PIAS1: variants seen among roughly 807,000 people sequenced by gnomAD.
PIAS1 encodes protein inhibitor of activated STAT 1.
Under a neutral mutation model 71.3 loss-of-function variants are expected in PIAS1, and 6 were observed. The observed-to-expected ratio is 0.08, with a 90% CI of 0.05 to 0.17. The LOEUF (loss-of-function observed/expected upper bound fraction) is 0.17. PIAS1 is among the 10% of genes least tolerant of loss of function. The pLI is 1.00. For synonymous variants in PIAS1, 303 were observed against 292.9 expected (o/e 1.03, Z -0.35); for missense variants, 555 against 793.6 (o/e 0.70, Z 3.61).
intron 2 of PIAS1, among the ~76,000 whole-genome samples, chr15:68,108,471 C>T (rs570025166): frequency 6.6e-6 from 1 of 152,020 alleles, no homozygotes; most frequent in South Asian, 2.1e-4. Flanking sequence ...CTCGTTCTTC[C>T]TCTTCTCTTC....
intron 8 of PIAS1, among the ~76,000 whole-genome samples, chr15:68,168,268 CA>C (rs1172369811): frequency 1.3e-5 from 2 of 152,144 alleles, no homozygotes; most frequent in African/African-American, 4.8e-5. Flanking sequence ...CTCAGCCTCC[CA>C]AAGTGATGGG....
intron 2 of PIAS1, among the ~76,000 whole-genome samples, chr15:68,129,728 G>A (rs1351652843): frequency 2.0e-5 from 3 of 150,632 alleles, no homozygotes; most frequent in African/African-American, 7.3e-5. Flanking sequence ...TGTATATGTT[G>A]AAATGAAAAC....
At chr15:68,058,076 C>CA (rs1032747092) in intron 1 of PIAS1, among the ~76,000 whole-genome samples, 1 of 152,088 alleles carries the variant, frequency 6.6e-6, no homozygotes, top group African/African-American at 2.4e-5. Flanking sequence ...AATTTGTACC[C>CA]TTTTTTGCTG....
At position 68,185,836 on chromosome 15, in the gene PIAS1, C is replaced by T. The variant is rs868015476; in HGVS notation, c.1663-1706C>T. On this transcript the variant is annotated intron_variant, in intron 13 of 13. Transcript: ENST00000249636. The surrounding 1 kb of genome is among the most constrained non-coding windows in gnomAD (Gnocchi z 4.4). ...AATTAGCTGGGCGTGGTGCTACACG[C>T]CTGTAATCCCAGCTACTCGGGAGGC... Among the ~76,000 whole-genome samples, 3 of 152,240 alleles carry T rather than the reference C, an allele frequency of 2.0e-5. 1 individual carries two copies. The South Asian group carries it at 6.2e-4, about 32-fold the overall frequency.
intron 10 of PIAS1, 40 bp downstream of exon 10, chr15:68,175,807 G>A: frequency 7.0e-7 from 1 of 1,424,570 alleles, no homozygotes; most frequent in Non-Finnish European, 9.4e-7. Flanking sequence ...TCTCCCTACT[G>A]CTCTAAGTCT....
intron 2 of PIAS1, among the ~76,000 whole-genome samples, chr15:68,125,191 A>G (rs1595745563): frequency 6.6e-6 from 1 of 151,206 alleles, no homozygotes; most frequent in Non-Finnish European, 1.5e-5. Flanking sequence ...TTTCTCATTC[A>G]TTGCCAAAAT....
intron 2 of PIAS1, among the ~76,000 whole-genome samples, chr15:68,131,363 TAATC>T (rs980137698): frequency 2.6e-5 from 4 of 152,198 alleles, no homozygotes; most frequent in African/African-American, 7.2e-5. Flanking sequence ...GCTGATATGT[TAATC>T]AATTTCCACA....
In PIAS1 at chr15:68,186,016, A is replaced by G. The variant is rs750590151; in HGVS notation, c.1663-1526A>G. On this transcript the variant is annotated intron_variant, in intron 13 of 13. Transcript: ENST00000249636. This position sits in a 1 kb window ranked among gnomAD's most constrained non-coding sequence, Gnocchi z 4.4. ...TGGGCCCTAACAATGAAAGGTTTTCATTAATAGAGAGGAATGTTTATGGTA... is the reference window on the plus strand; with the variant it reads ...TGGGCCCTAACAATGAAAGGTTTTCGTTAATAGAGAGGAATGTTTATGGTA... Among the ~76,000 whole-genome samples, 78 of 152,290 alleles carry G rather than the reference A, an allele frequency of 5.1e-4. 1 individual carries two copies. The Middle Eastern group carries it at 0.01, about 20-fold the overall frequency.
intron 7 of PIAS1, among the ~76,000 whole-genome samples, chr15:68,161,690 G>A (rs2092925679): frequency 6.6e-6 from 1 of 151,784 alleles, no homozygotes; most frequent in South Asian, 2.1e-4. Flanking sequence ...CAATACTTTG[G>A]GAGGCCAAAG....
chr15:68,151,633 A>G (rs1292590754), intron 6 of PIAS1, among the ~76,000 whole-genome samples: 1 of 151,448 alleles, frequency 6.6e-6, no homozygotes, highest in African/African-American at 2.4e-5. Flanking sequence ...CAGCCTAGCC[A>G]ACATGGTGAA....
At chr15:68,057,646 C>T (rs933542917) in intron 1 of PIAS1, 3 of 260,520 alleles carry the variant, frequency 1.2e-5, no homozygotes, top group Non-Finnish European at 2.3e-5. Flanking sequence ...AATTTTGATC[C>T]TTACGCTGTA....
At chr15:68,102,353 T>C (rs2092434441) in intron 2 of PIAS1, among the ~76,000 whole-genome samples, 1 of 152,246 alleles carries the variant, frequency 6.6e-6, no homozygotes, top group African/African-American at 2.4e-5. Flanking sequence ...TGGTCTTGAT[T>C]ACTATGTCAG....
chr15:68,184,592 G>A (rs2141106405), intron 13 of PIAS1: 1 of 152,382 alleles, frequency 6.6e-6, no homozygotes, highest in Admixed American at 6.5e-5. Context: ...TATTCATTAT[G>A]TAATATCAAA....
chr15:68,131,410 T>C (rs1273471715), intron 2 of PIAS1, among the ~76,000 whole-genome samples: 2 of 152,202 alleles, frequency 1.3e-5, no homozygotes, highest in African/African-American at 4.8e-5. Flanking sequence ...ATGAGAACAT[T>C]TGAAATTTAC....
chr15:68,097,431 A>AATTT (rs1015805764), intron 2 of PIAS1, among the ~76,000 whole-genome samples: 1 of 151,872 alleles, frequency 6.6e-6, no homozygotes, highest in African/African-American at 2.4e-5. Flanking sequence ...TTAATTAATT[A>AATTT]ATTTATTTAT....
intron 2 of PIAS1, among the ~76,000 whole-genome samples, chr15:68,090,827 TATG>T (rs1239338027): frequency 6.6e-6 from 1 of 152,182 alleles, no homozygotes; most frequent in Non-Finnish European, 1.5e-5. Flanking sequence ...ACAAAAATGT[TATG>T]TTTAATGTAG....
intron 2 of PIAS1, among the ~76,000 whole-genome samples, chr15:68,108,138 A>G (rs1264014168): frequency 6.6e-6 from 1 of 152,100 alleles, no homozygotes; most frequent in Non-Finnish European, 1.5e-5. Flanking sequence ...CCCCTGCCAC[A>G]TTGCTTGGAT....
intron 2 of PIAS1, among the ~76,000 whole-genome samples, chr15:68,109,669 A>G (rs2092504935): frequency 6.6e-6 from 1 of 152,228 alleles, no homozygotes; most frequent in Non-Finnish European, 1.5e-5. Flanking sequence ...ACTGAGGTTC[A>G]CTAAACTATT....
At chr15:68,101,100 A>G (rs2092420902) in intron 2 of PIAS1, among the ~76,000 whole-genome samples, 2 of 151,914 alleles carry the variant, frequency 1.3e-5, no homozygotes, top group Non-Finnish European at 2.9e-5. Context: ...GGGTTTCACC[A>G]TGTTGGCCAG....
Sources: allele counts gnomAD v4.1 joint callset (sites outside exome capture counted in the v4.1 genomes callset), GRCh38; gene constraint gnomAD v4.1.1; non-coding constraint Gnocchi (gnomAD v3.1); transcripts MANE v1.5; gene names NCBI Gene and HGNC (gene_info 2026-07-23, HGNC 2026-07-21).